PADI6: variants seen among roughly 807,000 people sequenced by gnomAD.
PADI6 encodes the protein inactive protein-arginine deiminase type-6.
PADI6 carries 66 observed loss-of-function variants against 78.2 expected under a neutral mutation model. That is an observed-to-expected ratio of 0.84 (90% confidence interval 0.69 to 1.04). The LOEUF is 1.04. Ranked by LOEUF, PADI6 falls within the 50% of genes least tolerant of loss-of-function variation. PADI6 has a pLI of 0.00. For synonymous variants in PADI6, 397 were observed against 346.9 expected (o/e 1.14, Z -1.60); for missense variants, 854 against 866.1 (o/e 0.99, Z 0.18).
At position 17,395,047 on chromosome 1, in the gene PADI6, T is replaced by C; in HGVS notation, c.1434T>C (p.Thr478=). ...AGCTCTACTCAGATTGGCTAATGAC[T>C]GGCCACGTGGATGAGTTCATGTGCT... is the stretch of plus-strand genomic sequence containing the variant. ...PVELYSDWLM[T]GHVDEFMCFI... is the part of the protein sequence containing the mutation. The change falls in exon 12 of 16, where the codon ACT becomes ACC. Residue 478 remains threonine, a synonymous_variant. Coordinates refer to ENST00000619609, the MANE Select transcript of PADI6 (RefSeq NM_207421.4). 6.2e-7 allele frequency: 1 copy of C among 1,614,012 alleles called. No individual in the cohort carries two copies. Among genetic ancestry groups the C allele is most frequent in the Non-Finnish European group, 8.5e-7 (1 of 1,179,926 alleles).
chr1:17,390,289 G>A (rs900800733), intron 8 of PADI6, among the ~76,000 whole-genome samples: 14 of 151,550 alleles, frequency 9.2e-5, no homozygotes, highest in East Asian at 5.8e-4. Flanking sequence ...AAACAAGAGC[G>A]AAACTGTCTC....
chr1:17,376,747 T>A (rs2075022130), intron 3 of PADI6, among the ~76,000 whole-genome samples: 1 of 152,134 alleles, frequency 6.6e-6, no homozygotes, highest in Non-Finnish European at 1.5e-5. Flanking sequence ...TGAGGAGCCA[T>A]CTGTGTCCTC....
rs1557608333 is a variant in PADI6, at chr1:17,395,068, G to A, written c.1455G>A (p.Met485Ile). The A allele has an allele frequency of 6.2e-7, 1 of 1,614,038 alleles. No homozygotes were observed. Among genetic ancestry groups the A allele is most frequent in the Non-Finnish European group, 8.5e-7 (1 of 1,179,918 alleles). Residue 485 changes from methionine to isoleucine, a missense_variant, in exon 12 of 16, where the codon ATG becomes ATA. By Grantham distance (10) the Met-to-Ile change is conservative. Coordinates refer to ENST00000619609, the MANE Select transcript of PADI6 (RefSeq NM_207421.4). ...WLMTGHVDEF[M>I]CFIPTDDKNE... ...TGACTGGCCACGTGGATGAGTTCAT[G>A]TGCTTCATCCCCACAGATGACAAGA...
chr1:17,401,560 C>G lies in PADI6; in HGVS notation c.*122C>G. ...GTCCAGGCAACAGAACCCTTTCTTC[C>G]CTGTCTGCCCCGACCGACCCTCGGA... On this transcript the variant is annotated 3_prime_UTR_variant, in exon 16 of 16. Coordinates refer to ENST00000619609, the MANE Select transcript of PADI6 (RefSeq NM_207421.4). The G allele has an allele frequency of 3.3e-6, 3 of 919,206 alleles. No individual in the cohort carries two copies. 56.9% of individuals were successfully genotyped at this position (919,206 alleles called of 1,614,324 possible). A position where few individuals can be genotyped will look rare whatever the true frequency, so the allele number is the denominator to read the frequency against.
intron 8 of PADI6, among the ~76,000 whole-genome samples, chr1:17,390,055 T>G (rs377644031): frequency 4.6e-5 from 7 of 152,134 alleles, no homozygotes; most frequent in African/African-American, 1.7e-4. Context: ...TCCCAGCACT[T>G]TGGGAGGCCG....
intron 6 of PADI6, among the ~76,000 whole-genome samples, chr1:17,388,105 G>A (rs1052458690): frequency 2.6e-5 from 4 of 152,212 alleles, no homozygotes; most frequent in African/African-American, 9.6e-5. Flanking sequence ...CCAGTCAGGA[G>A]CCTTGAAGGC....
intron 4 of PADI6, among the ~76,000 whole-genome samples, chr1:17,380,334 T>C (rs1360868416): frequency 6.6e-6 from 1 of 151,588 alleles, no homozygotes; most frequent in Non-Finnish European, 1.5e-5. Flanking sequence ...CTCAGCCTCC[T>C]GAGCAGCTGG....
chr1:17,372,872 C>T lies in PADI6; in HGVS notation c.117-184C>T, dbSNP rs374998218. ...GCGGGATGGGGTTTGGGCTGGAGCC[C>T]GTCGGAGAGCAAACACAGGGGTCCT... On this transcript the variant is annotated intron_variant, in intron 1 of 15. Transcript: ENST00000619609. Among the ~76,000 whole-genome samples the T allele has an allele frequency of 1.1e-4, 16 of 146,982 alleles. No individual in the cohort carries two copies. The East Asian group carries it at 1.2e-3, about 11-fold the overall frequency.
intron 1 of PADI6, among the ~76,000 whole-genome samples, chr1:17,372,796 T>C (rs983241480): frequency 4.6e-5 from 7 of 152,048 alleles, no homozygotes; most frequent in African/African-American, 1.7e-4. Context: ...TTCTTGGGAA[T>C]TGGGTGCTTA....
At chr1:17,390,963 G>A (rs867725636) in intron 8 of PADI6, among the ~76,000 whole-genome samples, 3 of 152,258 alleles carry the variant, frequency 2.0e-5, no homozygotes, top group Non-Finnish European at 1.5e-5. Flanking sequence ...CCCAGTAAGC[G>A]TCAGACTGTT....
intron 6 of PADI6, among the ~76,000 whole-genome samples, chr1:17,386,750 T>C (rs1368502561): frequency 1.3e-5 from 2 of 152,064 alleles, no homozygotes; most frequent in Non-Finnish European, 2.9e-5. Context: ...CCCCAGGGCC[T>C]CCAAGGAGGG....
Position 17,379,606 on chromosome 1 carries a change from G to A in PADI6, c.368-314G>A, listed in dbSNP as rs189476750. ...GCATAAAGCTTTCCAGAAGACTAGA[G>A]AGGTAGACTTTGCAAGTAAGAATCA... is the stretch of plus-strand genomic sequence containing the variant. On this transcript the variant is annotated intron_variant, in intron 3 of 15. Coordinates refer to ENST00000619609, the MANE Select transcript of PADI6 (RefSeq NM_207421.4). Among the ~76,000 whole-genome samples the A allele has an allele frequency of 1.6e-4, 24 of 152,318 alleles. No homozygotes were observed. The East Asian group carries it at 4.6e-3, about 29-fold the overall frequency.
rs140945832 is a variant in PADI6, at chr1:17,383,955, C to T, written c.679+1863C>T. 2.7e-3 allele frequency among the ~76,000 whole-genome samples: 404 copies of T among 152,240 alleles called. 1 individual carries two copies. Among genetic ancestry groups the T allele is most frequent in the African/African-American group, 9.3e-3 (387 of 41,550 alleles). On this transcript the variant is annotated intron_variant, in intron 6 of 15. Transcript: ENST00000619609. The stretch of plus-strand genomic sequence containing the variant: ...CCTGAGGTCAGGAGTTCGAGACCAG[C>T]CCGGCCAACATGGCAAAACCACATC...
intron 5 of PADI6, among the ~76,000 whole-genome samples, chr1:17,381,656 T>TGA (rs974347826): frequency 1.3e-5 from 2 of 152,112 alleles, no homozygotes; most frequent in African/African-American, 4.8e-5. Flanking sequence ...TGTTTCCTAC[T>TGA]GAGACTGGAA....
At chr1:17,375,044 C>T (rs751335575) in intron 2 of PADI6, among the ~76,000 whole-genome samples, 2 of 152,128 alleles carry the variant, frequency 1.3e-5, no homozygotes, top group Non-Finnish European at 2.9e-5. Context: ...CATGGGACCC[C>T]AGGAGAGTGG....
chr1:17,378,349 G>A (rs1412351861), intron 3 of PADI6, among the ~76,000 whole-genome samples: 1 of 152,164 alleles, frequency 6.6e-6, no homozygotes, highest in Non-Finnish European at 1.5e-5. Context: ...AGCCCAGTTC[G>A]CAGTGGGCAT....
chr1:17,393,252 A>G (rs1347031822), intron 9 of PADI6, among the ~76,000 whole-genome samples: 3 of 152,206 alleles, frequency 2.0e-5, no homozygotes, highest in African/African-American at 4.8e-5. Context: ...TGGTTAAGGT[A>G]CCTTTTAAGC....
chr1:17,375,271 G>T (rs902534037), intron 2 of PADI6, among the ~76,000 whole-genome samples, 156 bp from the exon 3 acceptor site: 1 of 152,096 alleles, frequency 6.6e-6, no homozygotes, highest in African/African-American at 2.4e-5. Context: ...AGCCCTAAGC[G>T]CAGGGCTGTG....
At position 17,389,915 on chromosome 1, in the gene PADI6, A is replaced by G. The variant is rs112556702; in HGVS notation, c.962+1035A>G. On this transcript the variant is annotated intron_variant, in intron 8 of 15. Coordinates refer to ENST00000619609, the MANE Select transcript of PADI6 (RefSeq NM_207421.4). ...CTACCACCACGTTGCCCTTTATTGC[A>G]AATTCCTTAGGTGAAGGCTTTTTTG... Among the ~76,000 whole-genome samples the G allele has an allele frequency of 5.8e-3, 889 of 152,314 alleles. 6 individuals are homozygous for G. Among genetic ancestry groups the G allele is most frequent in the African/African-American group, 0.02 (823 of 41,570 alleles).
Sources: allele counts gnomAD v4.1 joint callset (sites outside exome capture counted in the v4.1 genomes callset), GRCh38; gene constraint gnomAD v4.1.1; transcripts MANE v1.5; gene names NCBI Gene and HGNC (gene_info 2026-07-23, HGNC 2026-07-21).